CDKAL1: variants seen among roughly 807,000 people sequenced by gnomAD.
CDKAL1 encodes the protein CDKAL1 threonylcarbamoyladenosine tRNA methylthiotransferase, also known as threonylcarbamoyladenosine tRNA methylthiotransferase.
CDKAL1 carries 32 observed loss-of-function variants against 68.2 expected under a neutral mutation model. That is an observed-to-expected ratio of 0.47 (90% CI 0.35 to 0.63). The LOEUF (loss-of-function observed/expected upper bound fraction) is 0.63, where lower values mean the gene tolerates loss of function less well. Among genes scored for constraint, CDKAL1 ranks in the 30% least tolerant of loss-of-function variants. The pLI is 0.00. For missense variants in CDKAL1, 606 were observed against 696.7 expected, an observed-to-expected ratio of 0.87 and a Z score of 1.47; for synonymous variants, 234 against 244.3, an observed-to-expected ratio of 0.96 and a Z score of 0.39.
chr6:20,719,780 C>A (rs555699379), intron 5 of CDKAL1, among the ~76,000 whole-genome samples: 48 of 152,274 alleles, frequency 3.2e-4, no homozygotes, highest in Non-Finnish European at 6.0e-4. Flanking sequence ...CTTTTATGTT[C>A]CCCATGAAAC....
intron 5 of CDKAL1, among the ~76,000 whole-genome samples, chr6:20,719,443 TC>T (rs1772244628): frequency 6.6e-6 from 1 of 152,184 alleles, no homozygotes; most frequent in African/African-American, 2.4e-5. Flanking sequence ...TAGGAATTTT[TC>T]CAGCTAACTG....
At chr6:21,093,061 A>G (rs1562024959) in intron 12 of CDKAL1, among the ~76,000 whole-genome samples, 1 of 152,232 alleles carries the variant, frequency 6.6e-6, no homozygotes. Context: ...GAAATTGGCA[A>G]TGAATAATTC....
chr6:20,661,223 T>C (rs1769269616), intron 5 of CDKAL1, among the ~76,000 whole-genome samples: 1 of 152,218 alleles, frequency 6.6e-6, no homozygotes, highest in South Asian at 2.1e-4. Context: ...TAGGTCTTAT[T>C]ATCTATCATA....
intron 4 of CDKAL1, among the ~76,000 whole-genome samples, chr6:20,601,562 G>A (rs1188993836): frequency 2.0e-5 from 3 of 152,094 alleles, no homozygotes; most frequent in African/African-American, 7.2e-5. Flanking sequence ...CACTCTCAGA[G>A]CCTCTCCTCT....
chr6:21,191,992 CTTTTTT>C (rs145894251), intron 13 of CDKAL1, among the ~76,000 whole-genome samples: 26 of 34,502 alleles, frequency 7.5e-4, no homozygotes, highest in African/African-American at 1.7e-3. Context: ...ATTCATTTTT[CTTTTTT>C]TTTTTTTTTT....
chr6:20,602,437 C>T (rs894464155), intron 4 of CDKAL1, among the ~76,000 whole-genome samples: 2 of 152,146 alleles, frequency 1.3e-5, no homozygotes, highest in African/African-American at 2.4e-5. Flanking sequence ...TGGACTCCTT[C>T]ATGTCAAGTT....
chr6:21,076,185 C>A (rs1353997107), intron 12 of CDKAL1, among the ~76,000 whole-genome samples: 1 of 152,148 alleles, frequency 6.6e-6, no homozygotes, highest in East Asian at 1.9e-4. Flanking sequence ...CGGTCTCTGG[C>A]AGATTTTCCT....
At chr6:20,809,919 A>G (rs1294056448) in intron 8 of CDKAL1, among the ~76,000 whole-genome samples, 5 of 152,202 alleles carry the variant, frequency 3.3e-5, no homozygotes, top group Non-Finnish European at 5.9e-5. Flanking sequence ...AGTATTTACT[A>G]TATTTAGTAT....
intron 12 of CDKAL1, among the ~76,000 whole-genome samples, chr6:21,093,118 CA>C (rs1253844239): frequency 6.6e-6 from 1 of 152,104 alleles, no homozygotes; most frequent in East Asian, 1.9e-4. Context: ...AGACTGAAAG[CA>C]ATCCCCATGG....
chr6:20,600,463 TGA>T (rs752740802), intron 4 of CDKAL1, among the ~76,000 whole-genome samples: 18 of 152,092 alleles, frequency 1.2e-4, no homozygotes, highest in Non-Finnish European at 2.6e-4. Context: ...TTTAGGCCCT[TGA>T]AGACGCCTCT....
At chr6:20,754,343 T>C (rs1774075997) in intron 6 of CDKAL1, among the ~76,000 whole-genome samples, 1 of 152,152 alleles carries the variant, frequency 6.6e-6, no homozygotes, top group Non-Finnish European at 1.5e-5. Context: ...ATTGTGTTTT[T>C]TCAGTAGTGG....
rs570525585 is a variant in CDKAL1 at position 21,131,284 on chromosome 6, T to C, written c.1299+22821T>C. ...AGATTTAGTTGTAGATATAAATATA[T>C]TTTTTAATCATGTCTTCTGGTTTAA... On this transcript the variant is annotated intron_variant, in intron 13 of 15. Transcript: ENST00000274695. Among the ~76,000 whole-genome samples the C allele has an allele frequency of 2.6e-5, 4 of 152,340 alleles. No homozygotes were observed. In the East Asian group the frequency reaches 7.7e-4, roughly 29 times the overall value.
chr6:21,067,581 C>T (rs950432629), intron 12 of CDKAL1, among the ~76,000 whole-genome samples: 3 of 152,122 alleles, frequency 2.0e-5, no homozygotes, highest in African/African-American at 7.2e-5. Flanking sequence ...CACTGCAGCA[C>T]TCCAGCCTGG....
At chr6:20,568,716 CAG>C (rs1460305926) in intron 4 of CDKAL1, among the ~76,000 whole-genome samples, 1 of 129,934 alleles carries the variant, frequency 7.7e-6, no homozygotes, top group Non-Finnish European at 1.6e-5. Context: ...GCCTGGGCGA[CAG>C]AGCGAGACTC....
chr6:20,580,213 A>G (rs1374566704), intron 4 of CDKAL1, among the ~76,000 whole-genome samples: 1 of 152,230 alleles, frequency 6.6e-6, no homozygotes, highest in East Asian at 1.9e-4. Context: ...TTGTGAATCT[A>G]ACATTTGGGG....
At chr6:20,927,097 T>A (rs1763223513) in intron 9 of CDKAL1, among the ~76,000 whole-genome samples, 1 of 152,262 alleles carries the variant, frequency 6.6e-6, no homozygotes. Flanking sequence ...TTTGTCATTA[T>A]TTACAGTGTA....
intron 9 of CDKAL1, among the ~76,000 whole-genome samples, chr6:20,849,600 AAC>A (rs1282860940): frequency 3.5e-4 from 49 of 142,012 alleles, no homozygotes; most frequent in African/African-American, 9.5e-4. Flanking sequence ...AAAAAAAAAA[AAC>A]ATTATGAAGA....
intron 5 of CDKAL1, among the ~76,000 whole-genome samples, chr6:20,659,508 G>A (rs1341810096): frequency 6.6e-6 from 1 of 152,104 alleles, no homozygotes; most frequent in Non-Finnish European, 1.5e-5. Context: ...AGTATTATTG[G>A]TTGGGTATTG....
intron 5 of CDKAL1, among the ~76,000 whole-genome samples, chr6:20,716,501 T>C (rs985883820): frequency 6.6e-6 from 1 of 152,052 alleles, no homozygotes; most frequent in African/African-American, 2.4e-5. Context: ...TTGAATTCTG[T>C]CTTGAAGGTA....
Sources: gnomAD v4.1 joint callset for allele counts (sites outside exome capture counted in the v4.1 genomes callset) on GRCh38, gnomAD v4.1.1 for gene constraint, MANE v1.5 for transcripts, NCBI Gene and HGNC (gene_info 2026-07-23, HGNC 2026-07-21) for gene names.